ACACA: variants seen among roughly 807,000 people sequenced by gnomAD.
ACACA encodes the protein acetyl-CoA carboxylase 1.
In ACACA, 103 loss-of-function variants were observed where a neutral mutation model predicts 296.1. That is an observed-to-expected ratio of 0.35 (90% CI 0.30 to 0.41). ACACA has a LOEUF of 0.41. Among genes scored for constraint, ACACA ranks in the 10% least tolerant of loss-of-function variants. The pLI is 1.00. For synonymous variants in ACACA, 953 were observed against 1,038.6 expected (o/e 0.92, Z 1.58); for missense variants, 1,554 against 2,989.7 (o/e 0.52, Z 11.20).
chr17:37,310,100 G>A (rs2084061474), intron 3 of ACACA, among the ~76,000 whole-genome samples: 1 of 152,130 alleles, frequency 6.6e-6, no homozygotes, highest in Non-Finnish European at 1.5e-5. Context: ...GAAATAAGGA[G>A]GCAAAAGTAT....
intron 1 of ACACA, among the ~76,000 whole-genome samples, chr17:37,384,123 G>A (rs187156309): frequency 2.6e-5 from 4 of 152,300 alleles, no homozygotes; most frequent in African/African-American, 9.6e-5. Flanking sequence ...AATTAGCCGG[G>A]TGTAGTGGTG....
chr17:37,201,776 T>C (rs1230411151), intron 33 of ACACA, among the ~76,000 whole-genome samples: 1 of 152,194 alleles, frequency 6.6e-6, no homozygotes, highest in African/African-American at 2.4e-5. Flanking sequence ...GATATGTTTA[T>C]AGGCCAGTTC....
At chr17:37,268,725 C>CTATATATA (rs1391160604) in intron 10 of ACACA, among the ~76,000 whole-genome samples, 26 of 111,626 alleles carry the variant, frequency 2.3e-4, no homozygotes, top group African/African-American at 9.7e-4. Flanking sequence ...ATCTATCTAT[C>CTATATATA]TATCTATCTA....
At chr17:37,317,037 G>A (rs1016044643) in intron 3 of ACACA, among the ~76,000 whole-genome samples, 3 of 148,320 alleles carry the variant, frequency 2.0e-5, no homozygotes, top group East Asian at 4.0e-4. Context: ...TCATGCCACT[G>A]TACTCCAGCC....
chr17:37,296,582 GGCATGAGCCAC>G (rs1379822170), intron 3 of ACACA, among the ~76,000 whole-genome samples: 2 of 152,034 alleles, frequency 1.3e-5, no homozygotes, highest in Non-Finnish European at 2.9e-5. Context: ...TGGGATTACA[GGCATGAGCCAC>G]CATGCCTCGC....
chr17:37,389,878 T>C (rs1156554376), intron 1 of ACACA, among the ~76,000 whole-genome samples: 1 of 151,398 alleles, frequency 6.6e-6, no homozygotes, highest in African/African-American at 2.4e-5. Flanking sequence ...ATCCTACTGT[T>C]TTCCTAACAT....
intron 47 of ACACA, 50 bp from the exon 48 acceptor site, chr17:37,125,844 G>T (rs998095422): frequency 2.0e-6 from 3 of 1,503,572 alleles, no homozygotes; most frequent in South Asian, 2.3e-5. Context: ...TGAATCCATT[G>T]ACAATGTGCT....
chr17:37,103,341 T>C (rs1343155041), intron 52 of ACACA, among the ~76,000 whole-genome samples: 2 of 152,234 alleles, frequency 1.3e-5, no homozygotes, highest in Non-Finnish European at 2.9e-5. Context: ...CATTGATCGT[T>C]TGTCAGGAGC....
At chr17:37,128,436 T>C (rs1379461286) in intron 47 of ACACA, among the ~76,000 whole-genome samples, 1 of 152,228 alleles carries the variant, frequency 6.6e-6, no homozygotes, top group African/African-American at 2.4e-5. Context: ...TTCAGCAAGA[T>C]CACAATGACT....
chr17:37,244,366 G>A (rs113364704), intron 21 of ACACA, among the ~76,000 whole-genome samples: 193 of 146,220 alleles, frequency 1.3e-3, no homozygotes, highest in African/African-American at 4.6e-3. Flanking sequence ...ACTCCGTCTC[G>A]AGGAAAAAAA....
At chr17:37,124,728 C>T (rs2074693811) in intron 48 of ACACA, among the ~76,000 whole-genome samples, 1 of 152,352 alleles carries the variant, frequency 6.6e-6, no homozygotes, top group South Asian at 2.1e-4. Context: ...TCTGAGCTGA[C>T]TCCAGGCCAG....
At chr17:37,213,855 C>T (rs1726366675) in intron 29 of ACACA, among the ~76,000 whole-genome samples, 1 of 152,130 alleles carries the variant, frequency 6.6e-6, no homozygotes, top group African/African-American at 2.4e-5. Flanking sequence ...ACACTGACTT[C>T]TCTGGCAGCC....
At chr17:37,210,543 A>G in intron 29 of ACACA, 53 bp from the exon 30 acceptor site, 9 of 1,559,046 alleles carry the variant, frequency 5.8e-6, no homozygotes, top group Non-Finnish European at 8.0e-6. Context: ...AAGCCATAAT[A>G]AAAGAATTGT....
chr17:37,195,975 T>G (rs1227345137), intron 35 of ACACA, among the ~76,000 whole-genome samples: 1 of 152,058 alleles, frequency 6.6e-6, no homozygotes, highest in Non-Finnish European at 1.5e-5. Flanking sequence ...CAGGAAGAAA[T>G]TATGCCCTTG....
Position 37,122,043 on chromosome 17 carries a change from G to A in ACACA, c.6138+488C>T, listed in dbSNP as rs527901297. ...TCCCAACACTTTGGGAGGCTGAGGCGGGAGGATCCCTTGAGCCCAGGAGGT... is the reference window on the plus strand; with the variant it reads ...TCCCAACACTTTGGGAGGCTGAGGCAGGAGGATCCCTTGAGCCCAGGAGGT... On this transcript the variant is annotated intron_variant, in intron 49 of 55. Transcript: ENST00000616317. Among the ~76,000 whole-genome samples the A allele has an allele frequency of 6.6e-5, 10 of 152,208 alleles. No individual in the cohort carries two copies. The East Asian group carries it at 9.7e-4, about 15-fold the overall frequency.
intron 3 of ACACA, chr17:37,328,708 T>C (rs540748616): frequency 2.8e-5 from 11 of 392,220 alleles, no homozygotes; most frequent in African/African-American, 2.1e-4. Flanking sequence ...AAAATAGAGC[T>C]GAATTATTTT....
intron 45 of ACACA, among the ~76,000 whole-genome samples, chr17:37,131,859 C>A (rs2075113661): frequency 6.6e-6 from 1 of 152,226 alleles, no homozygotes; most frequent in Admixed American, 6.5e-5. Context: ...AGAGAACAAG[C>A]CTTTACAGGC....
intron 1 of ACACA, among the ~76,000 whole-genome samples, chr17:37,369,122 T>C (rs2049710138): frequency 6.6e-6 from 1 of 152,154 alleles, no homozygotes; most frequent in South Asian, 2.1e-4. Flanking sequence ...AATGAACAGA[T>C]GATTGCTACA....
intron 42 of ACACA, among the ~76,000 whole-genome samples, chr17:37,157,855 C>T (rs2076313497): frequency 6.6e-6 from 1 of 152,084 alleles, no homozygotes; most frequent in Non-Finnish European, 1.5e-5. Context: ...ATTCTACATT[C>T]TGTTGAGAAC....
Sources: allele counts gnomAD v4.1 joint callset (sites outside exome capture counted in the v4.1 genomes callset), GRCh38; gene constraint gnomAD v4.1.1; transcripts MANE v1.5; gene names NCBI Gene and HGNC (gene_info 2026-07-23, HGNC 2026-07-21).